The following SERPINA6 variants were observed in gnomAD, a reference collection of about 807,000 sequenced individuals.
SERPINA6 encodes serpin family A member 6.
In SERPINA6, 19 loss-of-function variants were observed where a neutral mutation model predicts 26.4. The observed-to-expected ratio is 0.72, with a 90% CI of 0.50 to 1.06. SERPINA6 has a LOEUF of 1.06. Among genes scored for constraint, SERPINA6 ranks in the 50% least tolerant of loss-of-function variants. SERPINA6 has a pLI of 0.00. For missense variants in SERPINA6, 473 were observed against 504.0 expected (o/e 0.94, Z 0.59); for synonymous variants, 196 against 199.4 (o/e 0.98, Z 0.14).
Position 94,306,195 on chromosome 14 carries a change from T to C in SERPINA6, c.908A>G (p.Lys303Arg), listed in dbSNP as rs1295435697. The change falls in exon 4 of 5, where the codon AAG becomes AGG. Residue 303 changes from lysine (K) to arginine (R), a missense_variant. Physicochemically the swap from Lys to Arg is conservative, Grantham distance 26 (BLOSUM62 2). Coordinates refer to ENST00000341584, the MANE Select transcript of SERPINA6 (RefSeq NM_001756.4). The stretch of plus-strand genomic sequence containing the variant: ...GTCATAGACTCCAGAGATGGTGACC[T>C]TTGGAATGTACAGGTCCACCTGGCT... Reference protein sequence around the residue: ...TSSQVDLYIPKVTISGVYDLG... With the variant: ...TSSQVDLYIPRVTISGVYDLG... 9 of 1,614,068 alleles carry C rather than the reference T, an allele frequency of 5.6e-6. No individual in the cohort carries two copies. In the South Asian group the frequency reaches 9.9e-5, roughly 18 times the overall value.
intron 1 of SERPINA6, among the ~76,000 whole-genome samples, chr14:94,322,059 G>A (rs1295679427): frequency 6.6e-6 from 1 of 152,200 alleles, no homozygotes; most frequent in East Asian, 1.9e-4. Context: ...TCATCCTGGG[G>A]CCCATTTTAC....
intron 3 of SERPINA6, among the ~76,000 whole-genome samples, chr14:94,308,826 T>C (rs1429949951): frequency 1.3e-5 from 2 of 152,224 alleles, no homozygotes; most frequent in Admixed American, 6.5e-5. Context: ...CGCTCACTCA[T>C]GCATCCATTT....
At chr14:94,320,343 T>C (rs1895667711) in intron 1 of SERPINA6, among the ~76,000 whole-genome samples, 1 of 152,236 alleles carries the variant, frequency 6.6e-6, no homozygotes, top group Admixed American at 6.5e-5. Context: ...GAGTATATGT[T>C]TGTAACAAGT....
intron 1 of SERPINA6, among the ~76,000 whole-genome samples, chr14:94,317,548 C>T (rs985909631): frequency 6.6e-6 from 1 of 152,218 alleles, no homozygotes; most frequent in Non-Finnish European, 1.5e-5. Context: ...CTCTCTCTTG[C>T]TTTGCTGAGT....
In SERPINA6 at chr14:94,310,011, G is replaced by A. The variant is rs760642909; in HGVS notation, c.614-5C>T. ...CAAAGGGCTGTGTCCATGTGCCTAGGAAGAGGAGGAGACAGGTCTGTAGGG... is the reference window on the plus strand; with the variant it reads ...CAAAGGGCTGTGTCCATGTGCCTAGAAAGAGGAGGAGACAGGTCTGTAGGG... On this transcript the variant is annotated splice_polypyrimidine_tract_variant and splice_region_variant and intron_variant, in intron 2 of 4. Coordinates refer to ENST00000341584, the MANE Select transcript of SERPINA6 (RefSeq NM_001756.4). 1 of 1,614,060 alleles carries A rather than the reference G, an allele frequency of 6.2e-7. No individual in the cohort carries two copies. The highest frequency in any genetic ancestry group is 8.5e-7 in the Non-Finnish European group (1 of 1,179,986).
intron 3 of SERPINA6, among the ~76,000 whole-genome samples, chr14:94,307,570 A>G (rs1895460531): frequency 6.6e-6 from 1 of 152,230 alleles, no homozygotes; most frequent in Non-Finnish European, 1.5e-5. Context: ...GCTGGAATGC[A>G]TTGTTTGCAT....
At chr14:94,315,579 A>G (rs959961074) in intron 1 of SERPINA6, among the ~76,000 whole-genome samples, 3 of 152,218 alleles carry the variant, frequency 2.0e-5, no homozygotes, top group Non-Finnish European at 4.4e-5. Flanking sequence ...TGATCCAAAT[A>G]TATGCTGTCT....
intron 2 of SERPINA6, among the ~76,000 whole-genome samples, chr14:94,313,189 C>A (rs964005307): frequency 6.6e-6 from 1 of 152,160 alleles, no homozygotes; most frequent in African/African-American, 2.4e-5. Context: ...AGATAAGTTG[C>A]AAGAGGGCTC....
chr14:94,322,513 AAAAC>A (rs71463938), intron 1 of SERPINA6, among the ~76,000 whole-genome samples: 30 of 151,924 alleles, frequency 2.0e-4, no homozygotes, highest in Admixed American at 6.5e-4. Context: ...TCCATCTTAA[AAAAC>A]AAACAAACAA....
chr14:94,309,211 G>A (rs1011759478), intron 3 of SERPINA6, among the ~76,000 whole-genome samples: 1 of 152,136 alleles, frequency 6.6e-6, no homozygotes, highest in African/African-American at 2.4e-5. Flanking sequence ...CTTTAGCCTT[G>A]CTTTCTTAGT....
chr14:94,316,512 T>C (rs1401528588), intron 1 of SERPINA6, among the ~76,000 whole-genome samples: 2 of 152,214 alleles, frequency 1.3e-5, no homozygotes, highest in Non-Finnish European at 2.9e-5. Flanking sequence ...CCATTTTTGC[T>C]CAATTTATTT....
At position 94,320,148 on chromosome 14, in the gene SERPINA6, C is replaced by T. The variant is rs369849044; in HGVS notation, c.-20+3119G>A. On this transcript the variant is annotated intron_variant, in intron 1 of 4. Transcript: ENST00000341584. ...AAATACAGGATGCTTACAGGAGAAG[C>T]AGGTCTTACTGCACCACCCACTGTT... Among the ~76,000 whole-genome samples, 7 of 152,226 alleles carry T rather than the reference C, an allele frequency of 4.6e-5. No homozygotes were observed. In the East Asian group the frequency reaches 1.2e-3, roughly 25 times the overall value.
chr14:94,314,766 G>T (rs886182072), intron 1 of SERPINA6, 99 bp from the exon 2 acceptor site: 1 of 1,143,252 alleles, frequency 8.7e-7, no homozygotes, highest in African/African-American at 1.5e-5. Context: ...TCAAGCCCCA[G>T]TTCCTTCCTC....
intron 4 of SERPINA6, among the ~76,000 whole-genome samples, chr14:94,305,520 C>A (rs73344882): frequency 6.6e-6 from 1 of 152,282 alleles, no homozygotes; most frequent in African/African-American, 2.4e-5. Flanking sequence ...GTGCCAGGTA[C>A]CACGGAGGCC....
At chr14:94,322,112 T>G (rs1193538472) in intron 1 of SERPINA6, among the ~76,000 whole-genome samples, 2 of 152,218 alleles carry the variant, frequency 1.3e-5, no homozygotes, top group Non-Finnish European at 2.9e-5. Context: ...TAACTCCCCC[T>G]GAGCTGGAAT....
At chr14:94,308,897 C>T (rs905748392) in intron 3 of SERPINA6, among the ~76,000 whole-genome samples, 5 of 152,030 alleles carry the variant, frequency 3.3e-5, no homozygotes, top group African/African-American at 9.7e-5. Flanking sequence ...CATCCATTCA[C>T]TCACTCACCA....
At chr14:94,322,241 G>A (rs1173599968) in intron 1 of SERPINA6, among the ~76,000 whole-genome samples, 2 of 152,176 alleles carry the variant, frequency 1.3e-5, no homozygotes, top group Non-Finnish European at 2.9e-5. Context: ...AGGTGTGGTG[G>A]CTCATGCCTG....
At chr14:94,313,400 G>A (rs544164676) in intron 2 of SERPINA6, among the ~76,000 whole-genome samples, 2 of 152,364 alleles carry the variant, frequency 1.3e-5, no homozygotes, top group East Asian at 3.9e-4. Context: ...CCATTATCCA[G>A]TGTAATCCTG....
At chr14:94,312,183 C>A (rs1006980764) in intron 2 of SERPINA6, among the ~76,000 whole-genome samples, 1 of 152,210 alleles carries the variant, frequency 6.6e-6, no homozygotes, top group Non-Finnish European at 1.5e-5. Flanking sequence ...TCTGGTCCTG[C>A]ATTCAGGTGT....
Sources: allele counts gnomAD v4.1 joint callset (sites outside exome capture counted in the v4.1 genomes callset), GRCh38; gene constraint gnomAD v4.1.1; transcripts MANE v1.5; gene names NCBI Gene and HGNC (gene_info 2026-07-23, HGNC 2026-07-21).